The following PCDH15 variants were observed in gnomAD, a reference collection of about 807,000 sequenced individuals.
The protein encoded by PCDH15 is protocadherin-15.
In PCDH15, 129 loss-of-function variants were observed where a neutral mutation model predicts 178.5. The observed-to-expected ratio is 0.72, with a 90% CI of 0.63 to 0.84. The LOEUF is 0.84. Among genes scored for constraint, PCDH15 ranks in the 40% least tolerant of loss-of-function variants. PCDH15 has a pLI of 0.00. For synonymous variants in PCDH15, 800 were observed against 732.0 expected (o/e 1.09, Z -1.50); for missense variants, 2,230 against 2,099.9 (o/e 1.06, Z -1.21).
chr10:53,874,224 CATGA>C (rs1564656024), intron 26 of PCDH15, among the ~76,000 whole-genome samples: 1 of 152,094 alleles, frequency 6.6e-6, no homozygotes, highest in African/African-American at 2.4e-5. Flanking sequence ...CAAGCCTACT[CATGA>C]AAGTGAGTCT....
At chr10:55,033,760 A>C (rs936220432) in intron 2 of PCDH15, among the ~76,000 whole-genome samples, 2 of 152,120 alleles carry the variant, frequency 1.3e-5, no homozygotes, top group African/African-American at 4.8e-5. Flanking sequence ...TTAATGTGAG[A>C]AAATCATGAA....
At chr10:53,934,949 C>G (rs2085438197) in intron 25 of PCDH15, among the ~76,000 whole-genome samples, 2 of 149,030 alleles carry the variant, frequency 1.3e-5, no homozygotes, top group Admixed American at 6.7e-5. Context: ...AAAAAAAAGT[C>G]TAGAATTAAA....
At chr10:54,421,812 G>GTA (rs1955419443) in intron 3 of PCDH15, among the ~76,000 whole-genome samples, 4 of 60,448 alleles carry the variant, frequency 6.6e-5, no homozygotes, top group Non-Finnish European at 1.3e-4. Context: ...CATGTGTAGT[G>GTA]TGTGTATATA....
At chr10:54,716,227 A>G (rs1013050791) in intron 1 of PCDH15, among the ~76,000 whole-genome samples, 5 of 152,134 alleles carry the variant, frequency 3.3e-5, no homozygotes, top group Non-Finnish European at 7.4e-5. Flanking sequence ...CCACAGATCA[A>G]CCCATGGTCT....
In PCDH15 at chr10:54,691,254, T is replaced by C. The variant is rs141346886; in HGVS notation, c.-28-26964A>G. On this transcript the variant is annotated intron_variant, in intron 1 of 37. Transcript: ENST00000644397. ...CAGCCTACACATAATTTGGCTCACT[T>C]AAAAGACTTTCTTAATGAGTAGTAA... Among the ~76,000 whole-genome samples, 923 of 152,200 alleles carry C rather than the reference T, an allele frequency of 6.1e-3. 10 individuals are homozygous for C. The highest frequency in any genetic ancestry group is 0.017 in the African/African-American group (717 of 41,552).
At chr10:54,006,603 A>T (rs2092394437) in intron 20 of PCDH15, among the ~76,000 whole-genome samples, 1 of 152,198 alleles carries the variant, frequency 6.6e-6, no homozygotes, top group South Asian at 2.1e-4. Context: ...CACTGTCATG[A>T]TGGAGCATCA....
chr10:54,160,626 T>C (rs4636568), intron 13 of PCDH15, among the ~76,000 whole-genome samples: 33,435 of 152,134 alleles, frequency 0.22, 5,050 homozygotes, highest in East Asian at 0.87. Context: ...ATACAGATTA[T>C]GTATTTGCAA....
chr10:53,818,688 C>A (rs1588909524), intron 33 of PCDH15, among the ~76,000 whole-genome samples: 1 of 152,056 alleles, frequency 6.6e-6, no homozygotes, highest in East Asian at 1.9e-4. Context: ...ATAGAGTTTT[C>A]AAAGTTGAAT....
intron 1 of PCDH15, among the ~76,000 whole-genome samples, chr10:55,224,486 C>T (rs562482223): frequency 2.0e-5 from 3 of 152,124 alleles, no homozygotes; most frequent in African/African-American, 4.8e-5. Flanking sequence ...GAAATCCAGG[C>T]GACCCTGCTC....
At chr10:53,843,547 T>G (rs1414839934) in intron 28 of PCDH15, among the ~76,000 whole-genome samples, 1 of 152,038 alleles carries the variant, frequency 6.6e-6, no homozygotes, top group Non-Finnish European at 1.5e-5. Context: ...TAGAGCTGGA[T>G]GGTATGATTT....
chr10:54,051,321 T>G (rs866263973), intron 18 of PCDH15, among the ~76,000 whole-genome samples: 4 of 152,140 alleles, frequency 2.6e-5, no homozygotes, highest in African/African-American at 7.2e-5. Flanking sequence ...TCCTAAACAC[T>G]TGGAAGGCTA....
chr10:55,463,899 G>GAA (rs1565165144), intron 2 of PCDH15, among the ~76,000 whole-genome samples: 1 of 47,490 alleles, frequency 2.1e-5, no homozygotes, highest in Admixed American at 2.2e-4. Context: ...GGGAGAGAGA[G>GAA]AGAAAGAAAG....
chr10:53,990,332 A>G (rs2091379092), intron 21 of PCDH15, among the ~76,000 whole-genome samples: 1 of 151,920 alleles, frequency 6.6e-6, no homozygotes, highest in Admixed American at 6.6e-5. Context: ...CTCTTTATAT[A>G]TATACTTTCT....
At chr10:53,892,976 A>G (rs1457321450) in intron 26 of PCDH15, among the ~76,000 whole-genome samples, 11 of 152,240 alleles carry the variant, frequency 7.2e-5, no homozygotes, top group Non-Finnish European at 1.6e-4. Flanking sequence ...AATAATTGAA[A>G]GAAAAGATGA....
chr10:55,254,721 T>A (rs1026838848), intron 1 of PCDH15, among the ~76,000 whole-genome samples: 1 of 152,208 alleles, frequency 6.6e-6, no homozygotes, highest in Non-Finnish European at 1.5e-5. Context: ...CAACAGGTGC[T>A]ATGACATTTC....
At chr10:54,382,811 T>A (rs1376488631) in intron 3 of PCDH15, among the ~76,000 whole-genome samples, 2 of 152,172 alleles carry the variant, frequency 1.3e-5, no homozygotes, top group Admixed American at 1.3e-4. Context: ...TCTGGACTCC[T>A]GACTCAAAGA....
intron 2 of PCDH15, among the ~76,000 whole-genome samples, chr10:55,068,782 T>TGC (rs1232001327): frequency 2.0e-5 from 3 of 151,906 alleles, no homozygotes; most frequent in East Asian, 1.9e-4. Context: ...TGTGTGTGTG[T>TGC]GTGCGTGCAC....
intron 2 of PCDH15, among the ~76,000 whole-genome samples, chr10:55,395,695 G>C (rs1354816192): frequency 6.6e-6 from 1 of 151,902 alleles, no homozygotes; most frequent in African/African-American, 2.4e-5. Flanking sequence ...TTTAAAATTA[G>C]CCTATGAAGC....
intron 2 of PCDH15, among the ~76,000 whole-genome samples, chr10:55,533,762 A>C (rs1181816408): frequency 6.6e-6 from 1 of 151,962 alleles, no homozygotes; most frequent in African/African-American, 2.4e-5. Flanking sequence ...AAAAAAGAGC[A>C]TGAATAGTCA....
Sources: gnomAD v4.1 joint callset for allele counts (sites outside exome capture counted in the v4.1 genomes callset) on GRCh38, gnomAD v4.1.1 for gene constraint, MANE v1.5 for transcripts, NCBI Gene and HGNC (gene_info 2026-07-23, HGNC 2026-07-21) for gene names.